The following LRMDA variants were observed in gnomAD, a reference collection of about 807,000 sequenced individuals.
LRMDA encodes the protein leucine rich melanocyte differentiation associated, also known as leucine-rich melanocyte differentiation-associated protein.
LRMDA carries 18 observed loss-of-function variants against 29.8 expected under a neutral mutation model. The observed-to-expected ratio is 0.60, with a 90% CI of 0.42 to 0.90. The LOEUF is 0.90. LRMDA is among the 40% of genes least tolerant of loss of function. The pLI is 0.00. For synonymous variants in LRMDA, 125 were observed against 109.4 expected (o/e 1.14, Z -0.89); for missense variants, 273 against 273.9 (o/e 1.00, Z 0.02).
At chr10:76,512,270 G>A (rs1204888267) in intron 6 of LRMDA, among the ~76,000 whole-genome samples, 2 of 152,078 alleles carry the variant, frequency 1.3e-5, no homozygotes, top group African/African-American at 4.8e-5. Flanking sequence ...CCCAGTATCG[G>A]GTATGTCTTT....
intron 2 of LRMDA, among the ~76,000 whole-genome samples, chr10:75,918,735 A>G (rs1379980513): frequency 6.6e-6 from 1 of 152,208 alleles, no homozygotes; most frequent in African/African-American, 2.4e-5. Flanking sequence ...CAGGTGGAGA[A>G]GAGGGGCTTT....
intron 5 of LRMDA, among the ~76,000 whole-genome samples, chr10:76,130,863 A>G (rs1221328623): frequency 6.6e-6 from 1 of 151,922 alleles, no homozygotes; most frequent in Non-Finnish European, 1.5e-5. Flanking sequence ...GGGTTTCACC[A>G]TGTTGGCCAG....
chr10:75,557,685 T>C (rs1444795729), intron 2 of LRMDA, among the ~76,000 whole-genome samples: 1 of 152,198 alleles, frequency 6.6e-6, no homozygotes, highest in African/African-American at 2.4e-5. Flanking sequence ...AGAGCTGGGA[T>C]TGAGGCGAGT....
intron 6 of LRMDA, among the ~76,000 whole-genome samples, chr10:76,430,535 C>T (rs1427052353): frequency 1.3e-5 from 2 of 152,118 alleles, no homozygotes; most frequent in East Asian, 1.9e-4. Flanking sequence ...CCTCTCATTA[C>T]GGGTGCTGAG....
intron 5 of LRMDA, among the ~76,000 whole-genome samples, chr10:76,238,793 G>C (rs987149087): frequency 8.2e-6 from 1 of 121,300 alleles, no homozygotes. Flanking sequence ...TCCAAAAGTT[G>C]TTTCTTTTTT....
At chr10:76,075,167 CT>C (rs1848937589) in intron 5 of LRMDA, among the ~76,000 whole-genome samples, 1 of 152,238 alleles carries the variant, frequency 6.6e-6, no homozygotes, top group African/African-American at 2.4e-5. Flanking sequence ...CCGCTCAAAA[CT>C]CATATGTTGA....
chr10:76,335,941 C>A (rs7071465), intron 6 of LRMDA, among the ~76,000 whole-genome samples: 86,522 of 152,030 alleles, frequency 0.57, 29,334 homozygotes, highest in Non-Finnish European at 0.79. Flanking sequence ...AACCCACCCC[C>A]GACTTTCCAT....
intron 2 of LRMDA, among the ~76,000 whole-genome samples, chr10:75,658,808 C>T (rs1039106815): frequency 7.2e-5 from 11 of 152,186 alleles, no homozygotes; most frequent in Non-Finnish European, 1.6e-4. Flanking sequence ...ATGTAGGGTC[C>T]TCCTCTATTT....
chr10:76,425,689 G>A (rs550265943), intron 6 of LRMDA, among the ~76,000 whole-genome samples: 1 of 151,590 alleles, frequency 6.6e-6, no homozygotes, highest in South Asian at 2.1e-4. Context: ...TGTCATGTTG[G>A]TGTGCTGCAC....
intron 5 of LRMDA, among the ~76,000 whole-genome samples, chr10:76,090,993 G>A (rs1433899106): frequency 5.9e-5 from 9 of 152,166 alleles, no homozygotes; most frequent in African/African-American, 2.2e-4. Context: ...TTTGTGTTAT[G>A]TGTATTTTAC....
chr10:76,302,431 A>G (rs2132363413), intron 5 of LRMDA, among the ~76,000 whole-genome samples: 1 of 152,232 alleles, frequency 6.6e-6, no homozygotes, highest in East Asian at 1.9e-4. Flanking sequence ...TTTTGTGTTT[A>G]CTGTGAACAC....
intron 2 of LRMDA, among the ~76,000 whole-genome samples, chr10:75,453,286 G>A (rs1844479793): frequency 6.6e-6 from 1 of 152,166 alleles, no homozygotes. Context: ...TCTCTGCCTG[G>A]AGTCTCTACC....
intron 5 of LRMDA, among the ~76,000 whole-genome samples, chr10:76,248,032 A>G (rs911762469): frequency 2.0e-5 from 3 of 152,190 alleles, no homozygotes; most frequent in African/African-American, 7.2e-5. Flanking sequence ...ATGCTCGTGA[A>G]TCCAGCCGTC....
At chr10:76,036,772 G>A (rs1848254470) in intron 3 of LRMDA, among the ~76,000 whole-genome samples, 1 of 152,126 alleles carries the variant, frequency 6.6e-6, no homozygotes, top group Admixed American at 6.5e-5. Context: ...GAGACTTACG[G>A]GCACTAACTG....
At chr10:76,356,990 G>C (rs1483044616) in intron 6 of LRMDA, among the ~76,000 whole-genome samples, 2 of 152,118 alleles carry the variant, frequency 1.3e-5, no homozygotes, top group Non-Finnish European at 2.9e-5. Flanking sequence ...TGGAGAACTA[G>C]GAAAATATAG....
chr10:76,365,994 G>C (rs1841387876), intron 6 of LRMDA, among the ~76,000 whole-genome samples: 3 of 152,152 alleles, frequency 2.0e-5, no homozygotes. Flanking sequence ...TTGTTGAAAA[G>C]GGTGTCCTTT....
At chr10:75,952,863 T>C (rs1323273625) in intron 2 of LRMDA, among the ~76,000 whole-genome samples, 1 of 152,160 alleles carries the variant, frequency 6.6e-6, no homozygotes, top group Non-Finnish European at 1.5e-5. Flanking sequence ...CAAGCAATTC[T>C]CATGCCTCAG....
chr10:76,351,704 G>A (rs1841178321), intron 6 of LRMDA, among the ~76,000 whole-genome samples: 1 of 148,978 alleles, frequency 6.7e-6, no homozygotes, highest in Non-Finnish European at 1.5e-5. Context: ...TAGAACTCTA[G>A]TCTGAAAAAA....
chr10:75,884,204 C>T (rs1457192224), intron 2 of LRMDA, among the ~76,000 whole-genome samples: 1 of 150,230 alleles, frequency 6.7e-6, no homozygotes, highest in African/African-American at 2.4e-5. Context: ...AATGAAAGCT[C>T]CCCTCCACTA....
Sources: gnomAD v4.1 joint callset for allele counts (sites outside exome capture counted in the v4.1 genomes callset) on GRCh38, gnomAD v4.1.1 for gene constraint, MANE v1.5 for transcripts, NCBI Gene and HGNC (gene_info 2026-07-23, HGNC 2026-07-21) for gene names.